Variants in BRIP1 observed in about 807,000 individuals in gnomAD.
The protein encoded by BRIP1 is Fanconi anemia group J protein.
In BRIP1, 88 loss-of-function variants were observed where a neutral mutation model predicts 119.7. The observed-to-expected ratio is 0.74, with a 90% CI of 0.62 to 0.88. The LOEUF is 0.88. BRIP1 is among the 40% of genes least tolerant of loss of function. BRIP1 has a pLI of 0.00. For synonymous variants in BRIP1, 443 were observed against 496.5 expected (o/e 0.89, Z 1.43); for missense variants, 1,259 against 1,455.4 (o/e 0.87, Z 2.20).
At chr17:61,829,433 G>C (rs1245130364) in intron 6 of BRIP1, among the ~76,000 whole-genome samples, 1 of 151,578 alleles carries the variant, frequency 6.6e-6, no homozygotes, top group Non-Finnish European at 1.5e-5. Flanking sequence ...AAAACTGGTA[G>C]AATTGAAAGA....
chr17:61,690,296 A>G lies in BRIP1; in HGVS notation c.2575+3134T>C, dbSNP rs1356659205. Among the ~76,000 whole-genome samples the G allele has an allele frequency of 2.0e-5, 3 of 152,252 alleles. No homozygotes were observed. The highest frequency in any genetic ancestry group is 4.4e-5 in the Non-Finnish European group (3 of 68,030). On this transcript the variant is annotated intron_variant, in intron 18 of 19. Coordinates refer to ENST00000259008, the MANE Select transcript of BRIP1 (RefSeq NM_032043.3). This position sits in a 1 kb window ranked among gnomAD's most constrained non-coding sequence, Gnocchi z 5.6. ...GTACACAAATACAGAATACTTTAAT[A>G]TAACAACAGTGATACATAAATAATG...
At chr17:61,747,348 G>GAA (rs1236481737) in intron 14 of BRIP1, among the ~76,000 whole-genome samples, 5 of 150,962 alleles carry the variant, frequency 3.3e-5, no homozygotes, top group Non-Finnish European at 7.4e-5. Flanking sequence ...ATAGGGAACA[G>GAA]AAAAACAATT....
At position 61,778,820 on chromosome 17, in the gene BRIP1, C is replaced by G. The variant is rs1307687705; in HGVS notation, c.1935+1441G>C. On this transcript the variant is annotated intron_variant, in intron 13 of 19. Coordinates refer to ENST00000259008, the MANE Select transcript of BRIP1 (RefSeq NM_032043.3). This position sits in a 1 kb window ranked among gnomAD's most constrained non-coding sequence, Gnocchi z 4.4. ...ACAATTCTTAGTTACATAGGAGTAG[C>G]ATTCTAGGTTCCCAACTACCAAATG... Among the ~76,000 whole-genome samples the G allele has an allele frequency of 6.6e-6, 1 of 152,302 alleles. No individual in the cohort carries two copies. The highest frequency in any genetic ancestry group is 6.5e-5 in the Admixed American group (1 of 15,296).
At position 61,793,718 on chromosome 17, in the gene BRIP1, G is replaced by A. The variant is rs771861055; in HGVS notation, c.1352C>T (p.Ala451Val). ...VCCSLINWLE[A>V]NAEYLVERDY... Reference sequence around the variant, plus strand: ...TCTTTCTACAAGATATTCAGCGTTTGCTTCTAACCAACTGAAATAAAATAA... The same window carrying A: ...TCTTTCTACAAGATATTCAGCGTTTACTTCTAACCAACTGAAATAAAATAA... The change falls in exon 10 of 20, where the codon GCA becomes GTA. Residue 451 changes from alanine to valine, a missense_variant. Ala to Val is a moderately conservative substitution (Grantham distance 64). Transcript: ENST00000259008. The surrounding 1 kb of genome is among the most constrained non-coding windows in gnomAD (Gnocchi z 5.2). 3.1e-6 allele frequency: 5 copies of A among 1,610,084 alleles called. No individual in the cohort carries two copies. The East Asian group carries it at 1.1e-4, about 36-fold the overall frequency.
rs2061280303 is a variant in BRIP1, at chr17:61,682,287, T to G, written c.*1009A>C. 5.0e-6 allele frequency: 1 copy of G among 200,248 alleles called. No homozygotes were observed. The highest frequency in any genetic ancestry group is 2.3e-5 in the African/African-American group (1 of 43,564). 12.4% of individuals were successfully genotyped at this position (200,248 alleles called of 1,614,324 possible). A position where few individuals can be genotyped will look rare whatever the true frequency, so the allele number is the denominator to read the frequency against. ...TTTCTAAACAATGTAGAAATTACCTTCTAGTCTAGTGTTTGGTACTTATTA... is the reference window on the plus strand; with the variant it reads ...TTTCTAAACAATGTAGAAATTACCTGCTAGTCTAGTGTTTGGTACTTATTA... On this transcript the variant is annotated 3_prime_UTR_variant, in exon 20 of 20. Coordinates refer to ENST00000259008, the MANE Select transcript of BRIP1 (RefSeq NM_032043.3). This position sits in a 1 kb window ranked among gnomAD's most constrained non-coding sequence, Gnocchi z 4.9.
chr17:61,783,551 G>C (rs1603336698), intron 11 of BRIP1, among the ~76,000 whole-genome samples: 1 of 151,710 alleles, frequency 6.6e-6, no homozygotes, highest in Non-Finnish European at 1.5e-5. Context: ...TTAAAATGGT[G>C]TATTTTATGT....
intron 10 of BRIP1, among the ~76,000 whole-genome samples, chr17:61,787,435 A>C: frequency 7.6e-6 from 1 of 131,696 alleles, no homozygotes; most frequent in Non-Finnish European, 1.6e-5. Context: ...TATAATATAT[A>C]TACTATATAT....
rs1490455494 is a variant in BRIP1 at position 61,775,193 on chromosome 17, G to A, written c.2097+1208C>T. Among the ~76,000 whole-genome samples the A allele has an allele frequency of 2.0e-5, 3 of 152,146 alleles. No homozygotes were observed. The highest frequency in any genetic ancestry group is 4.8e-5 in the African/African-American group (2 of 41,446). On this transcript the variant is annotated intron_variant, in intron 14 of 19. Transcript: ENST00000259008. This position sits in a 1 kb window ranked among gnomAD's most constrained non-coding sequence, Gnocchi z 4.4. Reference sequence around the variant, plus strand: ...GTTTTCCTAAATATAACTGTTTGGTGTAGATGTTCACACTGGAATAAATCT... The same window carrying A: ...GTTTTCCTAAATATAACTGTTTGGTATAGATGTTCACACTGGAATAAATCT...
rs1603362575 is a variant in BRIP1 at position 61,849,160 on chromosome 17, T to C, written c.476A>G (p.Lys159Arg). Residue 159 changes from lysine (K) to arginine (R), a missense_variant, in exon 5 of 20, where the codon AAA becomes AGA. By Grantham distance (26) the Lys-to-Arg change is conservative (BLOSUM62 2). Around this residue, in one of 3 missense-constraint regions of BRIP1, gnomAD observed 501 missense variants for 544.0 expected, o/e 0.92. Coordinates refer to ENST00000259008, the MANE Select transcript of BRIP1 (RefSeq NM_032043.3). ...TGTAGTTTCTAAGGGTCGAATTCTTTTCTTCTCTACTTGAAAATCATCATT... is the reference window on the plus strand; with the variant it reads ...TGTAGTTTCTAAGGGTCGAATTCTTCTCTTCTCTACTTGAAAATCATCATT... ...DENDDFQVEK[K>R]RIRPLETTQQ... is the part of the protein sequence containing the mutation. The C allele has an allele frequency of 1.2e-6, 2 of 1,613,632 alleles. No homozygotes were observed. Among genetic ancestry groups the C allele is most frequent in the Non-Finnish European group, 8.5e-7 (1 of 1,179,712 alleles).
At position 61,794,525 on chromosome 17, in the gene BRIP1, G is replaced by T. The variant is rs1003601714; in HGVS notation, c.1341-796C>A. ...CAAGAGGGGAACAGCACATACTGGG[G>T]CCTATCGGATGGTGTAGCGTTGGAG... On this transcript the variant is annotated intron_variant, in intron 9 of 19. Transcript: ENST00000259008. The surrounding 1 kb of genome is among the most constrained non-coding windows in gnomAD (Gnocchi z 4.3). Among the ~76,000 whole-genome samples, 1 of 151,902 alleles carries T rather than the reference G, an allele frequency of 6.6e-6. No homozygotes were observed. Among genetic ancestry groups the T allele is most frequent in the Non-Finnish European group, 1.5e-5 (1 of 67,972 alleles).
intron 10 of BRIP1, among the ~76,000 whole-genome samples, chr17:61,786,938 A>G (rs1368294204): frequency 2.0e-5 from 2 of 101,566 alleles, no homozygotes; most frequent in African/African-American, 8.1e-5. Flanking sequence ...TATATATAAT[A>G]TATTTATATA....
chr17:61,812,266 T>C (rs1242375380), intron 6 of BRIP1, among the ~76,000 whole-genome samples: 2 of 152,206 alleles, frequency 1.3e-5, no homozygotes, highest in African/African-American at 2.4e-5. Context: ...TTATTGAGTA[T>C]TTTTCCTGCT....
intron 11 of BRIP1, among the ~76,000 whole-genome samples, chr17:61,782,212 C>T (rs145184571): frequency 0.011 from 1,627 of 151,794 alleles, 35 homozygotes; most frequent in African/African-American, 0.037. Flanking sequence ...GGTGAAACCC[C>T]GTCTCTACTA....
Position 61,857,659 on chromosome 17 carries a change from G to T in BRIP1, c.206-428C>A, listed in dbSNP as rs1391391424. Among the ~76,000 whole-genome samples, 1 of 152,272 alleles carries T rather than the reference G, an allele frequency of 6.6e-6. No homozygotes were observed. The highest frequency in any genetic ancestry group is 1.5e-5 in the Non-Finnish European group (1 of 68,022). On this transcript the variant is annotated intron_variant, in intron 3 of 19. Transcript: ENST00000259008. The surrounding 1 kb of genome is among the most constrained non-coding windows in gnomAD (Gnocchi z 5.1). ...GAATCGCTTGAACCTGGGAGGCAGA[G>T]GTAGCAATGAGCAGAGGTCATGCCA... is the stretch of plus-strand genomic sequence containing the variant.
At position 61,710,842 on chromosome 17, in the gene BRIP1, A is replaced by C. The variant is rs1040613126; in HGVS notation, c.2492+5109T>G. ...GATCATCTGAGGTCAGGAGTTTGAG[A>C]CCAGCCTGTCCATCATGGTGAAACC... On this transcript the variant is annotated intron_variant, in intron 17 of 19. Transcript: ENST00000259008. This position sits in a 1 kb window ranked among gnomAD's most constrained non-coding sequence, Gnocchi z 5.4. Among the ~76,000 whole-genome samples, 1 of 152,080 alleles carries C rather than the reference A, an allele frequency of 6.6e-6. No homozygotes were observed. Among genetic ancestry groups the C allele is most frequent in the Non-Finnish European group, 1.5e-5 (1 of 68,014 alleles).
rs1685787083 is a variant in BRIP1 at position 61,850,371 on chromosome 17, G to A, written c.380-1115C>T. ...CCCGCCTAGCCTCCCAAAGTGCTGG[G>A]ATTACAGGCGTGAGCCACCGTGCCC... On this transcript the variant is annotated intron_variant, in intron 4 of 19. Transcript: ENST00000259008. Among the ~76,000 whole-genome samples, 3 of 152,068 alleles carry A rather than the reference G, an allele frequency of 2.0e-5. No individual in the cohort carries two copies. In the South Asian group the frequency reaches 6.2e-4, roughly 32 times the overall value.
rs2077899966 is a variant in BRIP1 at position 61,796,379 on chromosome 17, T to C, written c.1341-2650A>G. ...CCAATGTTTTCTGGTAGTAGTTTCA[T>C]AGTTTGAGGTTGTAGATTTAAGTCT... On this transcript the variant is annotated intron_variant, in intron 9 of 19. Coordinates refer to ENST00000259008, the MANE Select transcript of BRIP1 (RefSeq NM_032043.3). The surrounding 1 kb of genome is among the most constrained non-coding windows in gnomAD (Gnocchi z 4.8). Among the ~76,000 whole-genome samples the C allele has an allele frequency of 2.0e-5, 3 of 152,130 alleles. No individual in the cohort carries two copies. The highest frequency in any genetic ancestry group is 4.4e-5 in the Non-Finnish European group (3 of 67,998).
rs1359708316 is a variant in BRIP1, at chr17:61,721,317, C to T, written c.2380-5254G>A. Among the ~76,000 whole-genome samples, 16 of 143,920 alleles carry T rather than the reference C, an allele frequency of 1.1e-4. No homozygotes were observed. The East Asian group carries it at 1.7e-3, about 15-fold the overall frequency. 94.4% of individuals were successfully genotyped at this position (143,920 alleles called of 152,430 possible). ...ACGGAGTCTTGCTCTGTCACCAGGC[C>T]GGAGTGCAGTGGCGCGATCTTGGCT... On this transcript the variant is annotated intron_variant, in intron 16 of 19. Transcript: ENST00000259008.
In BRIP1 at chr17:61,683,740, G is replaced by A. The variant is rs1220971956; in HGVS notation, c.3306C>T (p.Asp1102=). The A allele has an allele frequency of 1.9e-6, 3 of 1,614,052 alleles. No individual in the cohort carries two copies. The highest frequency in any genetic ancestry group is 2.5e-6 in the Non-Finnish European group (3 of 1,179,996). Residue 1102 remains aspartate, a synonymous_variant, in exon 20 of 20, where the codon GAC becomes GAT. Coordinates refer to ENST00000259008, the MANE Select transcript of BRIP1 (RefSeq NM_032043.3). The surrounding 1 kb of genome is among the most constrained non-coding windows in gnomAD (Gnocchi z 4.7). ...CTTCACTTACTAGAGACAATTCAAT[G>A]TCTGGATCCAGGGCTTCTTCAGAAC... ...PLCSEEALDP[D]IELSLVSEED...
Sources: gnomAD v4.1 joint callset for allele counts (sites outside exome capture counted in the v4.1 genomes callset) on GRCh38, gnomAD v4.1.1 for gene constraint, gnomAD v4.1.1 regional missense constraint, Gnocchi (gnomAD v3.1) non-coding constraint, MANE v1.5 for transcripts, NCBI Gene and HGNC (gene_info 2026-07-23, HGNC 2026-07-21) for gene names.